The following SNRPN variants were observed in gnomAD, a reference collection of about 807,000 sequenced individuals.
The protein encoded by SNRPN is small nuclear ribonucleoprotein polypeptide N, also known as small nuclear ribonucleoprotein-associated protein N.
A neutral mutation model predicts 25.2 loss-of-function variants in SNRPN; 7 were observed. The observed-to-expected ratio is 0.28, with a 90% CI of 0.16 to 0.52. The LOEUF (loss-of-function observed/expected upper bound fraction) is 0.52. Ranked by LOEUF, SNRPN falls within the 20% of genes least tolerant of loss-of-function variation. The pLI, the probability that SNRPN is intolerant of heterozygous loss-of-function variation, is 0.96. For missense variants in SNRPN, 196 were observed against 322.5 expected, an observed-to-expected ratio of 0.61 and a Z score of 3.00; for synonymous variants, 124 against 110.6, an observed-to-expected ratio of 1.12 and a Z score of -0.76.
intron 2 of SNRPN, chr15:24,919,968 A>G (rs560782905): frequency 2.6e-5 from 4 of 152,166 alleles, no homozygotes; most frequent in Non-Finnish European, 4.4e-5. Flanking sequence ...TTCTATTTTG[A>G]ATGACCTGAT....
chr15:24,918,685 TATAAC>T (rs1220557830), intron 2 of SNRPN, among the ~76,000 whole-genome samples: 3 of 103,474 alleles, frequency 2.9e-5, no homozygotes, highest in Non-Finnish European at 5.5e-5. Flanking sequence ...TGTGCATATA[TATAAC>T]ATAATATATA....
chr15:24,957,393 C>CT (rs2063107739), intron 1 of SNRPN, among the ~76,000 whole-genome samples: 1 of 152,230 alleles, frequency 6.6e-6, no homozygotes, highest in East Asian at 1.9e-4. Flanking sequence ...CAGTTACTGT[C>CT]TTTTTTTGGA....
At chr15:24,844,233 C>T (rs1264568970) in intron 2 of SNRPN, among the ~76,000 whole-genome samples, 1 of 151,934 alleles carries the variant, frequency 6.6e-6, no homozygotes. Flanking sequence ...CATAGTGGCA[C>T]CTTACTGTGG....
chr15:24,899,525 C>T (rs2058312836), intron 2 of SNRPN, among the ~76,000 whole-genome samples: 1 of 152,214 alleles, frequency 6.6e-6, no homozygotes, highest in African/African-American at 2.4e-5. Context: ...TGCCTTTCTC[C>T]AGCACTATAT....
At chr15:24,861,479 GTTC>G (rs1270235732) in intron 1 of SNRPN, among the ~76,000 whole-genome samples, 2 of 152,234 alleles carry the variant, frequency 1.3e-5, no homozygotes, top group Non-Finnish European at 2.9e-5. Flanking sequence ...AGGACTGGAA[GTTC>G]TTCTGGGTGA....
chr15:24,951,831 T>A (rs1344399944), upstream of SNRPN, among the ~76,000 whole-genome samples: 2 of 152,186 alleles, frequency 1.3e-5, no homozygotes, highest in African/African-American at 4.8e-5. Context: ...TCTTTATACA[T>A]TCTGGATACT....
chr15:24,885,433 G>T (rs2057105069), intron 1 of SNRPN, among the ~76,000 whole-genome samples: 1 of 152,156 alleles, frequency 6.6e-6, no homozygotes, highest in Admixed American at 6.5e-5. Context: ...TTCTCACCTG[G>T]TGAGATGGCA....
At chr15:24,904,570 G>A (rs771297043) in intron 2 of SNRPN, among the ~76,000 whole-genome samples, 6 of 151,972 alleles carry the variant, frequency 3.9e-5, no homozygotes, top group South Asian at 2.1e-4. Context: ...CAGGAGAATC[G>A]CATGAACCCG....
chr15:24,845,705 TA>T (rs1244053584), intron 2 of SNRPN, among the ~76,000 whole-genome samples: 1 of 152,150 alleles, frequency 6.6e-6, no homozygotes, highest in Non-Finnish European at 1.5e-5. Context: ...GTTTCTTACA[TA>T]AATTTTGGAA....
At position 24,874,581 on chromosome 15, in the gene SNRPN, C is replaced by T. The variant is rs942583779; in HGVS notation, c.-578-11935C>T. 3.3e-5 allele frequency among the ~76,000 whole-genome samples: 5 copies of T among 152,256 alleles called. No individual in the cohort carries two copies. The East Asian group carries it at 7.7e-4, about 24-fold the overall frequency. ...AAGTACAGATGCATCTTAAAATTGA[C>T]ATTGTAAAAACAAAGTTTGCCAGAA... On this transcript the variant is annotated intron_variant, in intron 1 of 11. Transcript: ENST00000400097.
At chr15:24,838,762 A>G (rs563114183) in intron 2 of SNRPN, among the ~76,000 whole-genome samples, 31 of 152,160 alleles carry the variant, frequency 2.0e-4, no homozygotes, top group South Asian at 8.3e-4. Flanking sequence ...GTGCCTGATA[A>G]CATAAGCCAC....
At chr15:24,919,433 A>C (rs998908465) in intron 2 of SNRPN, among the ~76,000 whole-genome samples, 32 of 150,624 alleles carry the variant, frequency 2.1e-4, no homozygotes, top group Non-Finnish European at 4.0e-4. Context: ...TCTGTCTCAA[A>C]AAAAAAAAAA....
At chr15:24,943,848 G>T (rs2061715056) in intron 3 of SNRPN, among the ~76,000 whole-genome samples, 2 of 151,810 alleles carry the variant, frequency 1.3e-5, no homozygotes, top group South Asian at 2.1e-4. Flanking sequence ...TCGAGACAGG[G>T]TCTCGCCCTG....
chr15:24,962,287 G>A, intron 2 of SNRPN, 78 bp downstream of exon 2: 1 of 1,133,140 alleles, frequency 8.8e-7, no homozygotes, highest in Non-Finnish European at 1.3e-6. Flanking sequence ...TGCAATGAGG[G>A]GATTAAAATG....
chr15:24,879,018 ATATATTTTT>A lies in SNRPN; in HGVS notation c.-578-7497_-578-7489del, dbSNP rs1204246487. Among the ~76,000 whole-genome samples, 43 of 152,006 alleles carry A rather than the reference ATATATTTTT, an allele frequency of 2.8e-4. 1 individual carries two copies. Among genetic ancestry groups the A allele is most frequent in the African/African-American group, 1.0e-3 (42 of 41,448 alleles). Reference sequence around the variant, plus strand: ...ATTATACAAGGTTGAATTTTCAAAAATATATTTTTAAAATATATTTAAAAAAGTATTTTT... The same window carrying A: ...ATTATACAAGGTTGAATTTTCAAAAAAAAATATATTTAAAAAAGTATTTTT... On this transcript the variant is annotated intron_variant, in intron 1 of 11. Coordinates refer to the SNRPN transcript ENST00000400097.
At chr15:24,896,670 T>A (rs2151097630) in intron 2 of SNRPN, among the ~76,000 whole-genome samples, 1 of 151,758 alleles carries the variant, frequency 6.6e-6, no homozygotes, top group Non-Finnish European at 1.5e-5. Flanking sequence ...GCCGAGATCG[T>A]GCCACTGCAC....
chr15:24,955,222 T>C (rs1194310343), intron 1 of SNRPN, among the ~76,000 whole-genome samples, 160 bp downstream of exon 1: 1 of 152,146 alleles, frequency 6.6e-6, no homozygotes, highest in Non-Finnish European at 1.5e-5. Context: ...GTTCAGAGGC[T>C]TGCTGTTGTG....
intron 1 of SNRPN, among the ~76,000 whole-genome samples, chr15:24,859,500 C>A (rs1049321461): frequency 1.3e-5 from 2 of 152,084 alleles, no homozygotes; most frequent in African/African-American, 4.8e-5. Flanking sequence ...AAAAACAATT[C>A]CAGGGGCATT....
chr15:24,931,599 G>A (rs1181090200), intron 3 of SNRPN, among the ~76,000 whole-genome samples: 2 of 151,734 alleles, frequency 1.3e-5, no homozygotes, highest in Non-Finnish European at 2.9e-5. Flanking sequence ...TTTGGGAGGT[G>A]GAGGGGCGGG....
Sources: gnomAD v4.1 joint callset for allele counts (sites outside exome capture counted in the v4.1 genomes callset) on GRCh38, gnomAD v4.1.1 for gene constraint, MANE v1.5 for transcripts, NCBI Gene and HGNC (gene_info 2026-07-23, HGNC 2026-07-21) for gene names.